The following BRF1 variants were observed in gnomAD, a reference collection of about 807,000 sequenced individuals.
BRF1 encodes the protein transcription factor IIIB 90 kDa subunit.
In BRF1, 59 loss-of-function variants were observed where a neutral mutation model predicts 81.7. That is an observed-to-expected ratio of 0.72 (90% CI 0.59 to 0.90). The LOEUF (loss-of-function observed/expected upper bound fraction) is 0.90, where lower values mean the gene tolerates loss of function less well. Ranked by LOEUF, BRF1 falls within the 40% of genes least tolerant of loss-of-function variation. The pLI, the probability that BRF1 is intolerant of heterozygous loss-of-function variation, is 0.00. For missense variants in BRF1, 1,050 were observed against 936.3 expected, an observed-to-expected ratio of 1.12 and a Z score of -1.58; for synonymous variants, 491 against 395.6, an observed-to-expected ratio of 1.24 and a Z score of -2.86.
intron 3 of BRF1, among the ~76,000 whole-genome samples, chr14:105,266,877 C>G (rs928469463): frequency 1.3e-5 from 2 of 151,988 alleles, no homozygotes; most frequent in Admixed American, 1.3e-4. Context: ...AACCCCGTCG[C>G]CACAAAAAGT....
chr14:105,279,135 G>A (rs587601422), intron 2 of BRF1, among the ~76,000 whole-genome samples: 6 of 152,176 alleles, frequency 3.9e-5, no homozygotes, highest in African/African-American at 1.2e-4. Flanking sequence ...CTTTAGTCTG[G>A]GAGGTTGAGG....
intron 1 of BRF1, among the ~76,000 whole-genome samples, chr14:105,311,226 T>C (rs2058342605): frequency 6.6e-6 from 1 of 152,038 alleles, no homozygotes; most frequent in South Asian, 2.1e-4. Context: ...AGTGCTAAGA[T>C]TACAGGCATG....
intron 15 of BRF1, among the ~76,000 whole-genome samples, chr14:105,216,074 A>G (rs587731540): frequency 4.6e-5 from 7 of 151,874 alleles, no homozygotes; most frequent in Admixed American, 2.6e-4. Flanking sequence ...ACACACACAC[A>G]TGCACACAAA....
In BRF1 at chr14:105,210,482, A is replaced by G. The variant is rs1009705178; in HGVS notation, c.*69T>C. ...TGGGGCCTGCCTGCTGCGGTCCTGG[A>G]AGCCCGTCTGATGCTGAGGAGACCC... On this transcript the variant is annotated 3_prime_UTR_variant, in exon 18 of 18. Coordinates refer to ENST00000547530, the MANE Select transcript of BRF1 (RefSeq NM_001519.4). The surrounding 1 kb of genome is among the most constrained non-coding windows in gnomAD (Gnocchi z 4.7). 1.3e-6 allele frequency: 2 copies of G among 1,580,392 alleles called. No individual in the cohort carries two copies.
upstream of BRF1, among the ~76,000 whole-genome samples, chr14:105,304,834 C>T (rs587759446): frequency 3.3e-4 from 50 of 152,304 alleles, no homozygotes; most frequent in African/African-American, 1.1e-3. Context: ...CTTATAAAAC[C>T]GTCAGATCTC....
chr14:105,220,515 G>A (rs8005029), intron 11 of BRF1, among the ~76,000 whole-genome samples: 50,732 of 152,100 alleles, frequency 0.33, 10,027 homozygotes, highest in African/African-American at 0.55. Context: ...CTGTGCTCAG[G>A]GGAGCCAGCT....
Position 105,210,879 on chromosome 14 carries a change from C to T in BRF1, c.1996+243G>A, listed in dbSNP as rs1406385982. 6.6e-6 allele frequency among the ~76,000 whole-genome samples: 1 copy of T among 152,178 alleles called. No homozygotes were observed. The highest frequency in any genetic ancestry group is 2.4e-5 in the African/African-American group (1 of 41,422). On this transcript the variant is annotated intron_variant, in intron 17 of 17. Coordinates refer to ENST00000547530, the MANE Select transcript of BRF1 (RefSeq NM_001519.4). The surrounding 1 kb of genome is among the most constrained non-coding windows in gnomAD (Gnocchi z 4.7). Reference sequence around the variant, plus strand: ...TGGTGGTGTGCAGATCCGGGAACCTCGTGCTGCTGGCTGGGCGGCCCTCGT... The same window carrying T: ...TGGTGGTGTGCAGATCCGGGAACCTTGTGCTGCTGGCTGGGCGGCCCTCGT...
chr14:105,311,960 G>A (rs748551019), intron 1 of BRF1, among the ~76,000 whole-genome samples: 31 of 152,356 alleles, frequency 2.0e-4, no homozygotes, highest in Non-Finnish European at 4.0e-4. Flanking sequence ...ACCTGGCCAC[G>A]TGGGGCTGCT....
At chr14:105,310,762 G>A (rs987175483) in intron 1 of BRF1, among the ~76,000 whole-genome samples, 1 of 152,060 alleles carries the variant, frequency 6.6e-6, no homozygotes, top group Non-Finnish European at 1.5e-5. Flanking sequence ...TCATCATGGA[G>A]AAAATAGGAG....
intron 2 of BRF1, among the ~76,000 whole-genome samples, chr14:105,283,875 C>T (rs2057213191): frequency 6.6e-6 from 1 of 152,242 alleles, no homozygotes. Context: ...ATGGGCAGAG[C>T]TGGGCCCCAA....
chr14:105,308,112 G>A (rs2058243470), intron 1 of BRF1, among the ~76,000 whole-genome samples: 1 of 152,134 alleles, frequency 6.6e-6, no homozygotes, highest in South Asian at 2.1e-4. Flanking sequence ...GAACCCAGGT[G>A]ACTGAGGCTG....
At chr14:105,270,236 C>T (rs1020956609) in intron 3 of BRF1, among the ~76,000 whole-genome samples, 28 of 150,472 alleles carry the variant, frequency 1.9e-4, no homozygotes, top group African/African-American at 2.4e-4. Context: ...TGCAGTGGCG[C>T]GATCTCGGCT....
At chr14:105,241,492 T>G in intron 5 of BRF1, 78 bp from the exon 6 acceptor site, 1 of 1,568,656 alleles carries the variant, frequency 6.4e-7, no homozygotes, top group Non-Finnish European at 8.6e-7. Context: ...AGCCCAGGGG[T>G]GGGGCAACCT....
At chr14:105,249,840 A>G (rs778207565) in intron 5 of BRF1, 12 of 1,613,382 alleles carry the variant, frequency 7.4e-6, no homozygotes, top group Non-Finnish European at 8.5e-6. Flanking sequence ...CGCTGCTGGG[A>G]GGTCATTGAC....
chr14:105,250,617 C>A (rs1385700251), intron 5 of BRF1: 2 of 1,613,918 alleles, frequency 1.2e-6, no homozygotes, highest in Non-Finnish European at 1.7e-6. Context: ...TCGGACAGCA[C>A]CAACGGGACT....
chr14:105,265,756 C>T (rs1049056825), intron 3 of BRF1, among the ~76,000 whole-genome samples: 1 of 152,068 alleles, frequency 6.6e-6, no homozygotes, highest in Non-Finnish European at 1.5e-5. Flanking sequence ...ACAAAATTAG[C>T]CAGGTGTGGT....
chr14:105,250,324 T>G (rs916833129), intron 5 of BRF1: 1 of 1,613,448 alleles, frequency 6.2e-7, no homozygotes, highest in Non-Finnish European at 8.5e-7. Context: ...GGGTATTTAT[T>G]GCAGGGCTGG....
Position 105,217,634 on chromosome 14 carries a change from G to A in BRF1, c.1682C>T (p.Pro561Leu). 1 of 1,613,368 alleles carries A rather than the reference G, an allele frequency of 6.2e-7. No homozygotes were observed. The highest frequency in any genetic ancestry group is 1.7e-5 in the Admixed American group (1 of 60,020). The part of the protein sequence containing the change: ...GGSPHREDAQ[P>L]EHSASARKLS... ...CTTCCTGGCACTGGCGCTATGCTCG[G>A]GCTGTGCATCCTCCCTGTGCGGACT... Residue 561 changes from proline (P) to leucine (L), a missense_variant, in exon 15 of 18, where the codon CCC (proline) becomes CTC (leucine). Around this residue, in one of 2 missense-constraint regions of BRF1, gnomAD observed 1,043 missense variants for 915.4 expected, o/e 1.14. Transcript: ENST00000547530.
rs752585018 is a variant in BRF1, at chr14:105,211,755, T to C, written c.1824+358A>G. 68 of 396,794 alleles carry C rather than the reference T, an allele frequency of 1.7e-4. 1 individual carries two copies. The highest frequency in any genetic ancestry group is 1.5e-3 in the Middle Eastern group (2 of 1,344). The allele number at this position is 396,794 out of a possible 1,614,324, so 24.6% of individuals were successfully genotyped here. Reference sequence around the variant, plus strand: ...CAGACCAGTCCCCAACAAGTGACAGTCCAGGTGAAAGACCCCTGAGCCCTG... The same window carrying C: ...CAGACCAGTCCCCAACAAGTGACAGCCCAGGTGAAAGACCCCTGAGCCCTG... On this transcript the variant is annotated intron_variant, in intron 16 of 17. Coordinates refer to ENST00000547530, the MANE Select transcript of BRF1 (RefSeq NM_001519.4).
Sources: gnomAD v4.1 joint callset for allele counts (sites outside exome capture counted in the v4.1 genomes callset) on GRCh38, gnomAD v4.1.1 for gene constraint, gnomAD v4.1.1 regional missense constraint, Gnocchi (gnomAD v3.1) non-coding constraint, MANE v1.5 for transcripts, NCBI Gene and HGNC (gene_info 2026-07-23, HGNC 2026-07-21) for gene names.